Variants in FICD observed in about 807,000 individuals in gnomAD.
FICD encodes FIC domain protein adenylyltransferase.
In FICD, 13 loss-of-function variants were observed where a neutral mutation model predicts 28.0. That is an observed-to-expected ratio of 0.46 (90% CI 0.30 to 0.74). The LOEUF is 0.74. FICD is among the 30% of genes least tolerant of loss of function. The probability of loss-of-function intolerance (pLI) is 0.07; values close to 1 mark genes in which losing one functional copy is unlikely to be tolerated. For missense variants in FICD, 576 were observed against 624.5 expected, an observed-to-expected ratio of 0.92 and a Z score of 0.83; for synonymous variants, 268 against 266.4, an observed-to-expected ratio of 1.01 and a Z score of -0.06.
intron 1 of FICD, among the ~76,000 whole-genome samples, chr12:108,516,517 G>T (rs963749872): frequency 6.6e-6 from 1 of 152,186 alleles, no homozygotes; most frequent in African/African-American, 2.4e-5. Flanking sequence ...AAGTCCTAAG[G>T]CTGTCACTTG....
intron 1 of FICD, among the ~76,000 whole-genome samples, chr12:108,516,405 C>A (rs1388615544): frequency 6.6e-6 from 1 of 152,180 alleles, no homozygotes; most frequent in Non-Finnish European, 1.5e-5. Flanking sequence ...CATTTATGTC[C>A]CAAATGTTTG....
At position 108,516,099 on chromosome 12, in the gene FICD, C is replaced by T. The variant is rs188314505; in HGVS notation, c.-59+738C>T. On this transcript the variant is annotated intron_variant, in intron 1 of 2. Coordinates refer to ENST00000552695, the MANE Select transcript of FICD (RefSeq NM_007076.3). ...TATTGTTAGCATAGTGTTTGCATGC[C>T]TGGCCCCACCTCCACTCCCACTGCC... 5.3e-5 allele frequency among the ~76,000 whole-genome samples: 8 copies of T among 152,312 alleles called. No individual in the cohort carries two copies. In the East Asian group the frequency reaches 1.5e-3, roughly 29 times the overall value.
At position 108,518,071 on chromosome 12, in the gene FICD, A is replaced by G. The variant is rs1027083965; in HGVS notation, c.302-329A>G. ...GAGCTGTGGCCCACAGGAAAGGCCCAGCAGAGAGGGCCCAGGCGAAGTAAA... is the reference window on the plus strand; with the variant it reads ...GAGCTGTGGCCCACAGGAAAGGCCCGGCAGAGAGGGCCCAGGCGAAGTAAA... On this transcript the variant is annotated intron_variant, in intron 2 of 2. Transcript: ENST00000552695. The surrounding 1 kb of genome is among the most constrained non-coding windows in gnomAD (Gnocchi z 4.4). The G allele has an allele frequency of 1.4e-6, 1 of 699,656 alleles. No homozygotes were observed. The highest frequency in any genetic ancestry group is 2.0e-5 in the Admixed American group (1 of 49,910). The allele number at this position is 699,656 out of a possible 1,614,324, so 43.3% of individuals were successfully genotyped here.
rs1479008620 is a variant in FICD at position 108,519,206 on chromosome 12, G to A, written c.1108G>A (p.Gly370Arg). 3.1e-6 allele frequency: 5 copies of A among 1,614,028 alleles called. No individual in the cohort carries two copies. The highest frequency in any genetic ancestry group is 1.3e-5 in the African/African-American group (1 of 74,922). ...VYIHPFIDGN[G>R]RTSRLLMNLI... ...CATCCACCCTTTCATTGATGGCAAC[G>A]GGAGGACCTCCCGTCTGCTCATGAA... is the stretch of plus-strand genomic sequence containing the variant. The change falls in exon 3 of 3, where the codon GGG becomes AGG. Residue 370 changes from glycine to arginine, a missense_variant. Physicochemically the swap from Gly to Arg is moderately radical, Grantham distance 125. Coordinates refer to ENST00000552695, the MANE Select transcript of FICD (RefSeq NM_007076.3). The surrounding 1 kb of genome is among the most constrained non-coding windows in gnomAD (Gnocchi z 4.5).
At position 108,518,156 on chromosome 12, in the gene FICD, A is replaced by T; in HGVS notation, c.302-244A>T. 1 of 702,554 alleles carries T rather than the reference A, an allele frequency of 1.4e-6. No individual in the cohort carries two copies. The highest frequency in any genetic ancestry group is 2.6e-6 in the Non-Finnish European group (1 of 384,916). 43.5% of individuals were successfully genotyped at this position (702,554 alleles called of 1,614,324 possible). A position where few individuals can be genotyped will look rare whatever the true frequency, so the allele number is the denominator to read the frequency against. On this transcript the variant is annotated intron_variant, in intron 2 of 2. Transcript: ENST00000552695. This position sits in a 1 kb window ranked among gnomAD's most constrained non-coding sequence, Gnocchi z 4.4. ...CTAGGAAGCCAAGGAGGTGCCTCCC[A>T]GAATACAAGAGAGTGGCTCTGGGGA...
rs571003666 is a variant in FICD, at chr12:108,518,494, C to T, written c.396C>T (p.Ala132=). ...AAGCCCAAAAGCTCTTCATGCACGC[C>T]CTCAAGATGGACCCGGACTTCGTGG... is the stretch of plus-strand genomic sequence containing the variant. ...REKAQKLFMH[A]LKMDPDFVDA... The change falls in exon 3 of 3, where the codon GCC becomes GCT. Residue 132 remains alanine (A), a synonymous_variant. Transcript: ENST00000552695. The surrounding 1 kb of genome is among the most constrained non-coding windows in gnomAD (Gnocchi z 4.4). The T allele has an allele frequency of 6.2e-7, 1 of 1,614,184 alleles. No homozygotes were observed. Among genetic ancestry groups the T allele is most frequent in the African/African-American group, 1.3e-5 (1 of 75,038 alleles).
intron 1 of FICD, among the ~76,000 whole-genome samples, chr12:108,516,418 A>G (rs1371363832): frequency 1.3e-5 from 2 of 152,214 alleles, no homozygotes; most frequent in Non-Finnish European, 2.9e-5. Context: ...AATGTTTGAC[A>G]TATGTCCACA....
chr12:108,516,455 C>G (rs985248674), intron 1 of FICD, among the ~76,000 whole-genome samples: 7 of 152,186 alleles, frequency 4.6e-5, no homozygotes, highest in Admixed American at 3.9e-4. Context: ...TCAGAAGCCA[C>G]AGGGATATAT....
intron 1 of FICD, among the ~76,000 whole-genome samples, chr12:108,516,211 T>C (rs976238547): frequency 6.6e-6 from 1 of 152,312 alleles, no homozygotes; most frequent in East Asian, 1.9e-4. Flanking sequence ...CTCGAACTGC[T>C]CATCTTCTTG....
At chr12:108,516,114 C>T (rs987809206) in intron 1 of FICD, among the ~76,000 whole-genome samples, 7 of 152,198 alleles carry the variant, frequency 4.6e-5, no homozygotes, top group African/African-American at 1.2e-4. Flanking sequence ...CCCACCTCCA[C>T]TCCCACTGCC....
rs770199648 is a variant in FICD at position 108,518,351 on chromosome 12, C to T, written c.302-49C>T. On this transcript the variant is annotated intron_variant, in intron 2 of 2. Transcript: ENST00000552695. This position sits in a 1 kb window ranked among gnomAD's most constrained non-coding sequence, Gnocchi z 4.4. ...CAGGGGACAGCCCCCCGAATGTCCT[C>T]TGCCCCCTAGCCTCCCTCCCTCACA... The T allele has an allele frequency of 6.6e-7, 1 of 1,516,834 alleles. No individual in the cohort carries two copies. Among genetic ancestry groups the T allele is most frequent in the South Asian group, 1.1e-5 (1 of 88,830 alleles). 94.0% of individuals were successfully genotyped at this position (1,516,834 alleles called of 1,614,324 possible). A position where few individuals can be genotyped will look rare whatever the true frequency, so the allele number is the denominator to read the frequency against.
Position 108,516,007 on chromosome 12 carries a change from A to G in FICD, c.-59+646A>G, listed in dbSNP as rs1279633098. 3.9e-5 allele frequency among the ~76,000 whole-genome samples: 6 copies of G among 152,324 alleles called. No homozygotes were observed. In the East Asian group the frequency reaches 9.6e-4, roughly 24 times the overall value. Reference sequence around the variant, plus strand: ...TCCTTCATAGGGTGGCATGAGGGTGAAACGAGGCAATGCGTGGCCAGTACA... The same window carrying G: ...TCCTTCATAGGGTGGCATGAGGGTGGAACGAGGCAATGCGTGGCCAGTACA... On this transcript the variant is annotated intron_variant, in intron 1 of 2. Coordinates refer to ENST00000552695, the MANE Select transcript of FICD (RefSeq NM_007076.3).
In FICD at chr12:108,519,699, A is replaced by G. The variant is rs1420979373; in HGVS notation, c.*224A>G. On this transcript the variant is annotated 3_prime_UTR_variant, in exon 3 of 3. Transcript: ENST00000552695. The surrounding 1 kb of genome is among the most constrained non-coding windows in gnomAD (Gnocchi z 4.5). The stretch of plus-strand genomic sequence containing the variant: ...TTTTCTTCTTTGGAGCAAGCTAGTC[A>G]GTATTGTATGGTGTCTGCTGTGTCT... 1 of 499,064 alleles carries G rather than the reference A, an allele frequency of 2.0e-6. No homozygotes were observed. Among genetic ancestry groups the G allele is most frequent in the African/African-American group, 2.0e-5 (1 of 51,134 alleles). The allele number at this position is 499,064 out of a possible 1,614,324, so 30.9% of individuals were successfully genotyped here.
rs143532175 is a variant in FICD at position 108,517,184 on chromosome 12, C to G, written c.212C>G (p.Ala71Gly). ...AGCAAACCGGACAGGGCGCAGCATGCCGCCACCAAGTGCACCAGCCCGTCC... is the reference window on the plus strand; with the variant it reads ...AGCAAACCGGACAGGGCGCAGCATGGCGCCACCAAGTGCACCAGCCCGTCC... Reference protein sequence around the residue: ...LRSKPDRAQHAATKCTSPSTE... With the variant: ...LRSKPDRAQHGATKCTSPSTE... Residue 71 changes from alanine (A) to glycine (G), a missense_variant, in exon 2 of 3, where the codon GCC becomes GGC. Coordinates refer to ENST00000552695, the MANE Select transcript of FICD (RefSeq NM_007076.3). The G allele has an allele frequency of 6.9e-6, 11 of 1,594,774 alleles. No individual in the cohort carries two copies. Among genetic ancestry groups the G allele is most frequent in the Non-Finnish European group, 6.0e-6 (7 of 1,169,892 alleles).
rs748814333 is a variant in FICD at position 108,518,320 on chromosome 12, C to A, written c.302-80C>A. The A allele has an allele frequency of 4.1e-6, 5 of 1,220,792 alleles. No individual in the cohort carries two copies. The highest frequency in any genetic ancestry group is 3.6e-6 in the Non-Finnish European group (3 of 837,046). 75.6% of individuals were successfully genotyped at this position (1,220,792 alleles called of 1,614,324 possible). A position where few individuals can be genotyped will look rare whatever the true frequency, so the allele number is the denominator to read the frequency against. On this transcript the variant is annotated intron_variant, in intron 2 of 2. Coordinates refer to ENST00000552695, the MANE Select transcript of FICD (RefSeq NM_007076.3). This position sits in a 1 kb window ranked among gnomAD's most constrained non-coding sequence, Gnocchi z 4.4. ...TGGTCATCATGGTTTCCTGCGGAGA[C>A]CAGCACAGGGGACAGCCCCCCGAAT...
At chr12:108,515,832 G>A (rs956332962) in intron 1 of FICD, among the ~76,000 whole-genome samples, 11 of 152,184 alleles carry the variant, frequency 7.2e-5, no homozygotes, top group South Asian at 6.2e-4. Flanking sequence ...TAGTAATAAG[G>A]TAGAAATCGA....
rs564757299 is a variant in FICD at position 108,519,633 on chromosome 12, C to A, written c.*158C>A. On this transcript the variant is annotated 3_prime_UTR_variant, in exon 3 of 3. Coordinates refer to ENST00000552695, the MANE Select transcript of FICD (RefSeq NM_007076.3). This position sits in a 1 kb window ranked among gnomAD's most constrained non-coding sequence, Gnocchi z 4.5. ...AAAAAAAAAAAACTAAGTTATGAAG[C>A]CTTGTCTCTAAAATAACTTATAATT... 3.5e-6 allele frequency: 2 copies of A among 571,758 alleles called. No homozygotes were observed. Among genetic ancestry groups the A allele is most frequent in the South Asian group, 2.5e-5 (1 of 39,564 alleles). 35.4% of individuals were successfully genotyped at this position (571,758 alleles called of 1,614,324 possible). A position where few individuals can be genotyped will look rare whatever the true frequency, so the allele number is the denominator to read the frequency against.
At chr12:108,516,137 A>C (rs1452810774) in intron 1 of FICD, among the ~76,000 whole-genome samples, 1 of 152,198 alleles carries the variant, frequency 6.6e-6, no homozygotes, top group Non-Finnish European at 1.5e-5. Context: ...CCCCAAGCAC[A>C]TACAAGCCAT....
At position 108,519,676 on chromosome 12, in the gene FICD, T is replaced by C. The variant is rs2136654229; in HGVS notation, c.*201T>C. The C allele has an allele frequency of 1.8e-6, 1 of 543,642 alleles. No individual in the cohort carries two copies. The highest frequency in any genetic ancestry group is 3.6e-5 in the Admixed American group (1 of 27,612). 33.7% of individuals were successfully genotyped at this position (543,642 alleles called of 1,614,324 possible). Reference sequence around the variant, plus strand: ...TTATAATTCAACCAAGCTATTTATTTTCTTCTTTGGAGCAAGCTAGTCAGT... The same window carrying C: ...TTATAATTCAACCAAGCTATTTATTCTCTTCTTTGGAGCAAGCTAGTCAGT... On this transcript the variant is annotated 3_prime_UTR_variant, in exon 3 of 3. Transcript: ENST00000552695. The surrounding 1 kb of genome is among the most constrained non-coding windows in gnomAD (Gnocchi z 4.5).
Sources: allele counts gnomAD v4.1 joint callset (sites outside exome capture counted in the v4.1 genomes callset), GRCh38; gene constraint gnomAD v4.1.1; non-coding constraint Gnocchi (gnomAD v3.1); transcripts MANE v1.5; gene names NCBI Gene and HGNC (gene_info 2026-07-23, HGNC 2026-07-21).